LAMA3: variants seen among roughly 807,000 people sequenced by gnomAD.
The protein encoded by LAMA3 is laminin subunit alpha-3.
In LAMA3, 281 loss-of-function variants were observed where a neutral mutation model predicts 402.0. The observed-to-expected ratio is 0.70, with a 90% CI of 0.63 to 0.77. LAMA3 has a LOEUF of 0.77. LAMA3 is among the 30% of genes least tolerant of loss of function. LAMA3 has a pLI of 0.00. For synonymous variants in LAMA3, 1,431 were observed against 1,558.4 expected (o/e 0.92, Z 1.93); for missense variants, 3,840 against 4,215.5 (o/e 0.91, Z 2.47).
intron 13 of LAMA3, among the ~76,000 whole-genome samples, chr18:23,811,705 G>A (rs112868806): frequency 1.3e-3 from 198 of 152,174 alleles, no homozygotes; most frequent in Non-Finnish European, 2.4e-3. Context: ...ACGGAAAAAT[G>A]CAGGGAACAG....
chr18:23,796,365 G>T (rs2062763682), intron 12 of LAMA3, among the ~76,000 whole-genome samples: 1 of 152,120 alleles, frequency 6.6e-6, no homozygotes, highest in South Asian at 2.1e-4. Context: ...CTAGAAGTGG[G>T]GTCAACACCA....
chr18:23,693,530 C>CA (rs34337453), intron 1 of LAMA3, among the ~76,000 whole-genome samples: 6,441 of 113,110 alleles, frequency 0.057, 256 homozygotes, highest in South Asian at 0.14. Context: ...GACTCTGTAT[C>CA]AAAAAAAAAA....
intron 24 of LAMA3, chr18:23,834,383 G>A (rs896095984): frequency 4.2e-6 from 1 of 236,906 alleles, no homozygotes; most frequent in Non-Finnish European, 8.4e-6. Flanking sequence ...ATGTTAGGGG[G>A]TGCACACCTA....
In LAMA3 at chr18:23,904,587, C is replaced by T. The variant is rs753050180; in HGVS notation, c.6508C>T (p.Arg2170Cys). The change falls in exon 51 of 75, where the codon CGC becomes TGC. Residue 2170 changes from arginine (R) to cysteine (C), a missense_variant. Physicochemically the swap from Arg to Cys is radical, Grantham distance 180 (BLOSUM62 -3). This residue lies in a region of LAMA3 where 891 missense variants were observed against 857.5 expected (regional missense o/e 1.04). Transcript: ENST00000313654. ...AAACGCCAGCGGGGATGAGCTGGTG[C>T]GCTGTGCTGTGGATGCCGCCACCGC... ...KRNASGDELVRCAVDAATAYE... is the reference protein window; with the variant it reads ...KRNASGDELVCCAVDAATAYE... 6.8e-6 allele frequency: 11 copies of T among 1,608,614 alleles called. No homozygotes were observed. The highest frequency in any genetic ancestry group is 6.7e-5 in the East Asian group (3 of 44,736).
At position 23,689,668 on chromosome 18, in the gene LAMA3, G is replaced by C; in HGVS notation, c.-16G>C. On this transcript the variant is annotated 5_prime_UTR_variant, in exon 1 of 75. Coordinates refer to ENST00000313654, the MANE Select transcript of LAMA3 (RefSeq NM_198129.4). The stretch of plus-strand genomic sequence containing the variant: ...CCTCTGCGGACGGCTCAGGCGGGAG[G>C]ACCCCGCGCGGCTGGATGGCGGCGG... The C allele has an allele frequency of 1.5e-6, 2 of 1,309,662 alleles. No homozygotes were observed. Among genetic ancestry groups the C allele is most frequent in the Non-Finnish European group, 1.9e-6 (2 of 1,035,612 alleles). The allele number at this position is 1,309,662 out of a possible 1,614,324, so 81.1% of individuals were successfully genotyped here.
chr18:23,794,185 G>T (rs909201924), intron 12 of LAMA3, among the ~76,000 whole-genome samples: 16 of 152,160 alleles, frequency 1.1e-4, no homozygotes, highest in African/African-American at 3.6e-4. Context: ...TTCCTCCAGG[G>T]TATAGACTTG....
chr18:23,781,850 C>T (rs2062444277), intron 11 of LAMA3, among the ~76,000 whole-genome samples: 1 of 152,174 alleles, frequency 6.6e-6, no homozygotes, highest in South Asian at 2.1e-4. Flanking sequence ...AGTGCCTTTG[C>T]TGGAAACAGT....
intron 5 of LAMA3, 34 bp from the exon 6 acceptor site, chr18:23,753,687 G>T: frequency 6.5e-7 from 1 of 1,542,408 alleles, no homozygotes; most frequent in Non-Finnish European, 9.0e-7. Flanking sequence ...TCACTGTTCA[G>T]TGAAACTTGC....
intron 19 of LAMA3, among the ~76,000 whole-genome samples, chr18:23,820,759 C>T (rs1007185718): frequency 2.6e-5 from 4 of 152,098 alleles, no homozygotes; most frequent in South Asian, 2.1e-4. Context: ...GGTAAATTAA[C>T]GATCATGGTA....
At chr18:23,696,676 T>A (rs2060691854) in intron 1 of LAMA3, among the ~76,000 whole-genome samples, 1 of 152,310 alleles carries the variant, frequency 6.6e-6, no homozygotes, top group Admixed American at 6.5e-5. Context: ...AATTTTTGTA[T>A]TTTTAGTAGA....
At chr18:23,800,129 G>A (rs897614532) in intron 12 of LAMA3, among the ~76,000 whole-genome samples, 6 of 152,244 alleles carry the variant, frequency 3.9e-5, no homozygotes, top group Admixed American at 2.6e-4. Flanking sequence ...TTCTTGCCTC[G>A]CCAACTTGGC....
chr18:23,875,030 ATTG>A (rs2144849954), intron 38 of LAMA3, among the ~76,000 whole-genome samples: 1 of 152,192 alleles, frequency 6.6e-6, no homozygotes, highest in Admixed American at 6.5e-5. Flanking sequence ...TGCCCGGCTA[ATTG>A]TTGTATTTTT....
chr18:23,917,160 G>A (rs541842633), intron 60 of LAMA3, among the ~76,000 whole-genome samples: 12 of 152,102 alleles, frequency 7.9e-5, no homozygotes, highest in Non-Finnish European at 1.6e-4. Context: ...TTAGGATTAT[G>A]GCCTCCAGCT....
At chr18:23,756,753 C>T (rs1000361407) in intron 6 of LAMA3, among the ~76,000 whole-genome samples, 6 of 152,182 alleles carry the variant, frequency 3.9e-5, no homozygotes, top group African/African-American at 1.4e-4. Context: ...CCTGGTGCTA[C>T]CAGCACACTT....
Position 23,784,116 on chromosome 18 carries a change from A to C in LAMA3, c.1562A>C (p.Asp521Ala). The change falls in exon 12 of 75, where the codon GAT becomes GCT. Residue 521 changes from aspartate to alanine, a missense_variant. Physicochemically the swap from Asp to Ala is moderately radical, Grantham distance 126 (BLOSUM62 -2). Around this residue, in one of 3 missense-constraint regions of LAMA3, gnomAD observed 2,109 missense variants for 2,376.0 expected, o/e 0.89. Coordinates refer to ENST00000313654, the MANE Select transcript of LAMA3 (RefSeq NM_198129.4). ...CRPGVEGPRCDTCRSGFYSFP... is the reference protein window; with the variant it reads ...CRPGVEGPRCATCRSGFYSFP... ...CCTGGGGTTGAGGGCCCTCGATGTGATACCTGCCGCTCTGGTTTCTACTCA... is the reference window on the plus strand; with the variant it reads ...CCTGGGGTTGAGGGCCCTCGATGTGCTACCTGCCGCTCTGGTTTCTACTCA... 1 of 1,614,094 alleles carries C rather than the reference A, an allele frequency of 6.2e-7. No individual in the cohort carries two copies. The highest frequency in any genetic ancestry group is 8.5e-7 in the Non-Finnish European group (1 of 1,180,014).
chr18:23,951,178 A>G (rs1243029910), intron 72 of LAMA3, among the ~76,000 whole-genome samples: 1 of 152,220 alleles, frequency 6.6e-6, no homozygotes, highest in Non-Finnish European at 1.5e-5. Flanking sequence ...CACAAAACAG[A>G]CTGCGTGCCT....
At chr18:23,726,951 T>C (rs80292729) in intron 2 of LAMA3, among the ~76,000 whole-genome samples, 2,675 of 152,264 alleles carry the variant, frequency 0.018, 78 homozygotes, top group East Asian at 0.15. Flanking sequence ...TATTTATTTG[T>C]TGTTGTTGAA....
rs1261594357 is a variant in LAMA3, at chr18:23,904,025, C to G, written c.6411C>G (p.Ser2137=). 11 of 1,614,132 alleles carry G rather than the reference C, an allele frequency of 6.8e-6. No homozygotes were observed. In the South Asian group the frequency reaches 1.1e-4, roughly 16 times the overall value. ...RELSRSAGKT[S]LVEEAEKHAR... is the part of the protein sequence containing the mutation. ...TTTCCAGATCTGCTGGCAAAACATC[C>G]CTTGTGGAGGAGGCAGAAAAGCACG... Residue 2137 remains serine, a synonymous_variant, in exon 50 of 75, where the codon TCC becomes TCG. Transcript: ENST00000313654.
chr18:23,749,670 G>A, intron 4 of LAMA3, 124 bp downstream of exon 4: 1 of 764,516 alleles, frequency 1.3e-6, no homozygotes, highest in South Asian at 1.4e-5. Context: ...TGGAAACAGG[G>A]CTTGGGACTG....
Sources: gnomAD v4.1 joint callset for allele counts (sites outside exome capture counted in the v4.1 genomes callset) on GRCh38, gnomAD v4.1.1 for gene constraint, gnomAD v4.1.1 regional missense constraint, MANE v1.5 for transcripts, NCBI Gene and HGNC (gene_info 2026-07-23, HGNC 2026-07-21) for gene names.